PARD3B: variants seen among roughly 807,000 people sequenced by gnomAD.
PARD3B encodes partitioning defective 3 homolog B.
PARD3B carries 103 observed loss-of-function variants against 130.2 expected under a neutral mutation model. That is an observed-to-expected ratio of 0.79 (90% CI 0.67 to 0.93). PARD3B has a LOEUF of 0.93. PARD3B is among the 40% of genes least tolerant of loss of function. The probability of loss-of-function intolerance (pLI) is 0.00; values close to 1 mark genes in which losing one functional copy is unlikely to be tolerated. For synonymous variants in PARD3B, 583 were observed against 553.2 expected (o/e 1.05, Z -0.76); for missense variants, 1,609 against 1,499.2 (o/e 1.07, Z -1.21).
chr2:205,288,447 T>C lies in PARD3B; in HGVS notation c.2186-12083T>C, dbSNP rs1264622975. On this transcript the variant is annotated intron_variant, in intron 16 of 22. Coordinates refer to ENST00000406610, the MANE Select transcript of PARD3B (RefSeq NM_001302769.2). This position sits in a 1 kb window ranked among gnomAD's most constrained non-coding sequence, Gnocchi z 4.0. ...TCCATTGCTGCAAAATATACCACTC[T>C]CTTTCCCTTTAATTTATTCTATGTG... Among the ~76,000 whole-genome samples the C allele has an allele frequency of 6.6e-6, 1 of 152,170 alleles. No individual in the cohort carries two copies. Among genetic ancestry groups the C allele is most frequent in the Non-Finnish European group, 1.5e-5 (1 of 68,042 alleles).
At chr2:205,304,219 C>A (rs1485873042) in intron 18 of PARD3B, among the ~76,000 whole-genome samples, 1 of 152,200 alleles carries the variant, frequency 6.6e-6, no homozygotes, top group Non-Finnish European at 1.5e-5. Flanking sequence ...TCCTCATGCT[C>A]AAAATCTTGG....
At chr2:204,596,644 C>G (rs1252915357) in intron 1 of PARD3B, among the ~76,000 whole-genome samples, 1 of 152,132 alleles carries the variant, frequency 6.6e-6, no homozygotes, top group Non-Finnish European at 1.5e-5. Context: ...GTAAGCTAAA[C>G]TTGGCCAGGC....
chr2:205,025,765 C>T (rs919936106), intron 3 of PARD3B, among the ~76,000 whole-genome samples: 6 of 152,248 alleles, frequency 3.9e-5, no homozygotes, highest in Middle Eastern at 3.4e-3. Context: ...CCAAGGCTGA[C>T]TCCTATTCCA....
Position 205,183,438 on chromosome 2 carries a change from C to T in PARD3B, c.1925-2326C>T, listed in dbSNP as rs2035907364. ...TGTCCATTGTCCCCAATTTACATTACAGTCCTTCTGTTCTGTTTCTCTTAG... is the reference window on the plus strand; with the variant it reads ...TGTCCATTGTCCCCAATTTACATTATAGTCCTTCTGTTCTGTTTCTCTTAG... On this transcript the variant is annotated intron_variant, in intron 13 of 22. Coordinates refer to ENST00000406610, the MANE Select transcript of PARD3B (RefSeq NM_001302769.2). The surrounding 1 kb of genome is among the most constrained non-coding windows in gnomAD (Gnocchi z 5.2). 6.6e-6 allele frequency among the ~76,000 whole-genome samples: 1 copy of T among 152,170 alleles called. No individual in the cohort carries two copies. Among genetic ancestry groups the T allele is most frequent in the Admixed American group, 6.5e-5 (1 of 15,286 alleles).
intron 2 of PARD3B, among the ~76,000 whole-genome samples, chr2:204,757,337 A>G (rs1388060672): frequency 6.6e-6 from 1 of 152,140 alleles, no homozygotes; most frequent in Admixed American, 6.6e-5. Context: ...GGAATCTCCA[A>G]ACTTGTTTCC....
chr2:204,962,736 T>C (rs1489262415), intron 2 of PARD3B, among the ~76,000 whole-genome samples: 2 of 152,204 alleles, frequency 1.3e-5, no homozygotes, highest in Non-Finnish European at 2.9e-5. Context: ...ATATTGTAGA[T>C]GTTGAGATGA....
At chr2:204,849,710 A>G (rs1352940312) in intron 2 of PARD3B, among the ~76,000 whole-genome samples, 2 of 152,204 alleles carry the variant, frequency 1.3e-5, no homozygotes, top group Non-Finnish European at 2.9e-5. Context: ...TTTCCTCAGA[A>G]GAAAAAAATG....
intron 1 of PARD3B, among the ~76,000 whole-genome samples, chr2:204,637,493 G>C (rs114434558): frequency 0.016 from 2,420 of 152,146 alleles, 33 homozygotes; most frequent in Middle Eastern, 0.071. Context: ...ATGTTTAGCT[G>C]TTCCTGTATC....
rs997126443 is a variant in PARD3B at position 205,575,367 on chromosome 2, A to C, written c.3260+21964A>C. 1.3e-5 allele frequency among the ~76,000 whole-genome samples: 2 copies of C among 151,644 alleles called. No homozygotes were observed. The highest frequency in any genetic ancestry group is 2.9e-5 in the Non-Finnish European group (2 of 67,982). ...AAACTGTTACATCTGATGACCCTGCATTGACACATCATAATCACCCAAAGC... is the reference window on the plus strand; with the variant it reads ...AAACTGTTACATCTGATGACCCTGCCTTGACACATCATAATCACCCAAAGC... On this transcript the variant is annotated intron_variant, in intron 22 of 22. Transcript: ENST00000406610. This position sits in a 1 kb window ranked among gnomAD's most constrained non-coding sequence, Gnocchi z 4.6.
chr2:205,245,697 A>T, intron 15 of PARD3B, 81 bp from the exon 16 acceptor site: 1 of 1,097,980 alleles, frequency 9.1e-7, no homozygotes, highest in Non-Finnish European at 1.3e-6. Flanking sequence ...ACTTATTATG[A>T]ATCTGCATTA....
At chr2:205,249,086 T>G (rs2039718983) in intron 16 of PARD3B, among the ~76,000 whole-genome samples, 1 of 144,932 alleles carries the variant, frequency 6.9e-6, no homozygotes. Flanking sequence ...CTCTGCTCAC[T>G]GCAACCTCTG....
intron 18 of PARD3B, among the ~76,000 whole-genome samples, chr2:205,388,549 T>G (rs2045741819): frequency 6.6e-6 from 1 of 152,196 alleles, no homozygotes; most frequent in Non-Finnish European, 1.5e-5. Flanking sequence ...TTGTAATAGC[T>G]CTTTCTGAAT....
At chr2:205,093,194 A>G (rs936983869) in intron 4 of PARD3B, among the ~76,000 whole-genome samples, 2 of 152,172 alleles carry the variant, frequency 1.3e-5, no homozygotes, top group Non-Finnish European at 2.9e-5. Flanking sequence ...TCCAGACGTC[A>G]TAAATATATA....
chr2:204,628,346 G>A (rs1226208561), intron 1 of PARD3B, among the ~76,000 whole-genome samples: 1 of 151,776 alleles, frequency 6.6e-6, no homozygotes, highest in Admixed American at 6.6e-5. Context: ...TGTAAGGGAA[G>A]TTTGTGATAA....
chr2:204,873,385 A>G (rs1410834320), intron 2 of PARD3B, among the ~76,000 whole-genome samples: 5 of 152,180 alleles, frequency 3.3e-5, no homozygotes, highest in East Asian at 3.9e-4. Context: ...CAGGTCTGAA[A>G]GTGGGAGATT....
intron 2 of PARD3B, among the ~76,000 whole-genome samples, chr2:204,734,711 G>A (rs1301373822): frequency 6.6e-6 from 1 of 152,100 alleles, no homozygotes; most frequent in African/African-American, 2.4e-5. Context: ...AAACTGTAAT[G>A]ATACAAATTA....
Position 204,673,104 on chromosome 2 carries a change from T to C in PARD3B, c.121-13077T>C, listed in dbSNP as rs1026604459. ...TAAATTTTGAATTTCAGCCTAGTCT[T>C]ACTTTAAAGCTCATACTTTTTCCAC... On this transcript the variant is annotated intron_variant, in intron 1 of 22. Transcript: ENST00000406610. This position sits in a 1 kb window ranked among gnomAD's most constrained non-coding sequence, Gnocchi z 4.7. 6.6e-6 allele frequency among the ~76,000 whole-genome samples: 1 copy of C among 152,228 alleles called. No homozygotes were observed. The highest frequency in any genetic ancestry group is 1.5e-5 in the Non-Finnish European group (1 of 68,050).
At chr2:204,797,339 G>A (rs2042410942) in intron 2 of PARD3B, among the ~76,000 whole-genome samples, 1 of 151,948 alleles carries the variant, frequency 6.6e-6, no homozygotes, top group Non-Finnish European at 1.5e-5. Flanking sequence ...ACATTTTATT[G>A]TATTTTATGT....
chr2:204,963,353 G>A (rs536576401), intron 2 of PARD3B, among the ~76,000 whole-genome samples: 30 of 152,136 alleles, frequency 2.0e-4, no homozygotes, highest in African/African-American at 7.0e-4. Context: ...TCTAGTTGAT[G>A]TTCTATTTTT....
Sources: allele counts gnomAD v4.1 joint callset (sites outside exome capture counted in the v4.1 genomes callset), GRCh38; gene constraint gnomAD v4.1.1; non-coding constraint Gnocchi (gnomAD v3.1); transcripts MANE v1.5; gene names NCBI Gene and HGNC (gene_info 2026-07-23, HGNC 2026-07-21).